EDIL3: variants seen among roughly 807,000 people sequenced by gnomAD.
EDIL3 encodes EGF like and discoidin domains 3.
A neutral mutation model predicts 67.4 loss-of-function variants in EDIL3; 37 were observed. That is an observed-to-expected ratio of 0.55 (90% CI 0.42 to 0.72). EDIL3 has a LOEUF of 0.72. Among genes scored for constraint, EDIL3 ranks in the 30% least tolerant of loss-of-function variants. EDIL3 has a pLI of 0.00. For missense variants in EDIL3, 527 were observed against 586.3 expected (o/e 0.90, Z 1.04); for synonymous variants, 195 against 196.3 (o/e 0.99, Z 0.05).
At chr5:84,260,625 A>G (rs1745208705) in intron 1 of EDIL3, among the ~76,000 whole-genome samples, 1 of 152,194 alleles carries the variant, frequency 6.6e-6, no homozygotes, top group Non-Finnish European at 1.5e-5. Context: ...TTTCTTACAT[A>G]TTAATGTATT....
At position 84,039,108 on chromosome 5, in the gene EDIL3, GT is replaced by G. The variant is rs112114634; in HGVS notation, c.1137+21191del. Among the ~76,000 whole-genome samples the G allele has an allele frequency of 6.7e-3, 972 of 145,992 alleles. 11 individuals are homozygous for G. Among genetic ancestry groups the G allele is most frequent in the African/African-American group, 0.021 (841 of 40,506 alleles). Reference sequence around the variant, plus strand: ...TTTGAGTTCAAATCCTAAAGACTGTGTTTTTTTTTTTTAATTATATGAATCC... The same window carrying G: ...TTTGAGTTCAAATCCTAAAGACTGTGTTTTTTTTTTTAATTATATGAATCC... On this transcript the variant is annotated intron_variant, in intron 9 of 10. Coordinates refer to ENST00000296591, the MANE Select transcript of EDIL3 (RefSeq NM_005711.5).
intron 1 of EDIL3, among the ~76,000 whole-genome samples, chr5:84,336,814 CA>C (rs1746995563): frequency 6.6e-6 from 1 of 151,814 alleles, no homozygotes; most frequent in African/African-American, 2.4e-5. Context: ...AATGTGATGC[CA>C]AGGATATATC....
At position 84,384,440 on chromosome 5, in the gene EDIL3, T is replaced by C. The variant is rs528931224; in HGVS notation, c.-66A>G. 11 of 1,555,634 alleles carry C rather than the reference T, an allele frequency of 7.1e-6. No homozygotes were observed. Among genetic ancestry groups the C allele is most frequent in the Middle Eastern group, 1.7e-4 (1 of 5,902 alleles). On this transcript the variant is annotated 5_prime_UTR_variant, in exon 1 of 11. Transcript: ENST00000296591. The stretch of plus-strand genomic sequence containing the variant: ...GTCGCGGAGGGCAGTGTAGCCGAGG[T>C]GGCAGCGCAGGGCAGCAGCAGACTC...
At chr5:84,161,903 A>C (rs186440083) in intron 4 of EDIL3, among the ~76,000 whole-genome samples, 1 of 152,294 alleles carries the variant, frequency 6.6e-6, no homozygotes, top group Admixed American at 6.5e-5. Flanking sequence ...GTTGGAATTT[A>C]GAACTCTAAA....
intron 9 of EDIL3, among the ~76,000 whole-genome samples, chr5:84,031,874 A>G (rs1745931019): frequency 6.6e-6 from 1 of 152,224 alleles, no homozygotes; most frequent in South Asian, 2.1e-4. Flanking sequence ...ATTTCAGTGT[A>G]ATTTCCAATA....
intron 1 of EDIL3, among the ~76,000 whole-genome samples, chr5:84,306,870 C>A (rs1054644175): frequency 5.3e-5 from 8 of 152,150 alleles, no homozygotes; most frequent in African/African-American, 1.4e-4. Flanking sequence ...AGCTATGTGA[C>A]CTTAAACAAG....
intron 1 of EDIL3, among the ~76,000 whole-genome samples, chr5:84,376,059 C>A (rs1337426305): frequency 6.6e-6 from 1 of 152,122 alleles, no homozygotes; most frequent in Non-Finnish European, 1.5e-5. Flanking sequence ...GACAGAGCAT[C>A]GCCTAATAGT....
chr5:84,209,231 G>C (rs1009340122), intron 3 of EDIL3, among the ~76,000 whole-genome samples: 20 of 151,532 alleles, frequency 1.3e-4, no homozygotes, highest in Admixed American at 1.1e-3. Context: ...GTTGTGGGGT[G>C]GGGGGAGAGG....
intron 6 of EDIL3, among the ~76,000 whole-genome samples, chr5:84,096,861 T>G (rs1747273694): frequency 6.6e-6 from 1 of 152,152 alleles, no homozygotes; most frequent in Non-Finnish European, 1.5e-5. Context: ...GAGCGGGTCT[T>G]TCCCATGCTA....
At position 84,176,812 on chromosome 5, in the gene EDIL3, GAT is replaced by G. The variant is rs10694924; in HGVS notation, c.355+3579_355+3580del. Among the ~76,000 whole-genome samples, 1,373 of 148,992 alleles carry G rather than the reference GAT, an allele frequency of 9.2e-3. 22 individuals carry two copies. The highest frequency in any genetic ancestry group is 0.032 in the African/African-American group (1,306 of 40,746). The stretch of plus-strand genomic sequence containing the variant: ...ATGCGTGTGTTTCACATTCTTCTAT[GAT>G]ATATATATATATAAAATTTGATAAT... On this transcript the variant is annotated intron_variant, in intron 4 of 10. Coordinates refer to ENST00000296591, the MANE Select transcript of EDIL3 (RefSeq NM_005711.5).
intron 9 of EDIL3, among the ~76,000 whole-genome samples, chr5:84,050,126 A>T (rs892407358): frequency 2.9e-5 from 4 of 135,980 alleles, no homozygotes; most frequent in African/African-American, 1.1e-4. Flanking sequence ...TGAACCCGGG[A>T]GGCGGAGCTT....
intron 4 of EDIL3, among the ~76,000 whole-genome samples, chr5:84,153,327 C>T (rs1580351607): frequency 6.6e-6 from 1 of 152,062 alleles, no homozygotes; most frequent in African/African-American, 2.4e-5. Context: ...GATGGAGTCT[C>T]ATGCTGTCAC....
chr5:84,295,269 T>TA (rs1416856334), intron 1 of EDIL3, among the ~76,000 whole-genome samples: 4 of 152,206 alleles, frequency 2.6e-5, no homozygotes, highest in South Asian at 2.1e-4. Context: ...GAGTGATTAA[T>TA]ATGTCATTAG....
At chr5:84,122,883 G>T (rs989629396) in intron 5 of EDIL3, among the ~76,000 whole-genome samples, 1 of 151,878 alleles carries the variant, frequency 6.6e-6, no homozygotes, top group Non-Finnish European at 1.5e-5. Context: ...CAAAGCAGAG[G>T]TATAACATTT....
intron 9 of EDIL3, among the ~76,000 whole-genome samples, chr5:84,054,710 T>C (rs903810576): frequency 6.6e-6 from 1 of 152,000 alleles, no homozygotes; most frequent in Non-Finnish European, 1.5e-5. Flanking sequence ...CCATTCACAA[T>C]TGCTTCAAAG....
intron 9 of EDIL3, among the ~76,000 whole-genome samples, chr5:84,027,031 C>A (rs389475): frequency 7.2e-5 from 11 of 152,066 alleles, no homozygotes; most frequent in African/African-American, 2.7e-4. Flanking sequence ...AGAGGCAGAA[C>A]CTACAGTAAG....
At chr5:84,180,608 GA>G (rs1748998655) in intron 3 of EDIL3, 87 bp from the exon 4 acceptor site, 2 of 1,377,608 alleles carry the variant, frequency 1.5e-6, no homozygotes, top group Non-Finnish European at 1.9e-6. Flanking sequence ...TAATTTTACA[GA>G]AAAAAGTGTT....
chr5:83,951,187 C>T (rs1346016929), intron 10 of EDIL3, among the ~76,000 whole-genome samples: 2 of 151,668 alleles, frequency 1.3e-5, no homozygotes, highest in Non-Finnish European at 2.9e-5. Flanking sequence ...CTCTTTCACA[C>T]GGGCATGATC....
chr5:84,229,093 T>G (rs1390695635), intron 3 of EDIL3, among the ~76,000 whole-genome samples: 1 of 152,166 alleles, frequency 6.6e-6, no homozygotes, highest in African/African-American at 2.4e-5. Flanking sequence ...TATGTTAGTC[T>G]GGTCTTTTAT....
Sources: gnomAD v4.1 joint callset for allele counts (sites outside exome capture counted in the v4.1 genomes callset) on GRCh38, gnomAD v4.1.1 for gene constraint, MANE v1.5 for transcripts, NCBI Gene and HGNC (gene_info 2026-07-23, HGNC 2026-07-21) for gene names.